GPIHBP1: variants seen among roughly 807,000 people sequenced by gnomAD.
GPIHBP1 encodes glycosylphosphatidylinositol-anchored high density lipoprotein-binding protein 1.
GPIHBP1 carries 11 observed loss-of-function variants against 13.0 expected under a neutral mutation model. The ratio of observed to expected loss-of-function variants is 0.84; its 90% confidence interval spans 0.53 to 1.40. GPIHBP1 has a LOEUF of 1.40. GPIHBP1 is among the 40% of genes most tolerant of loss of function. GPIHBP1 has a pLI of 0.00. For synonymous variants in GPIHBP1, 106 were observed against 102.2 expected (o/e 1.04, Z -0.22); for missense variants, 231 against 241.1 (o/e 0.96, Z 0.28).
rs10746561 is a variant in GPIHBP1 at position 143,214,626 on chromosome 8, C to T, written c.182-387C>T. Among the ~76,000 whole-genome samples, 15,280 of 152,074 alleles carry T rather than the reference C, an allele frequency of 0.1. 978 individuals carry two copies. Among genetic ancestry groups the T allele is most frequent in the Middle Eastern group, 0.19 (57 of 294 alleles). ...AGGAGCCCCAAGCCTGCCCTCAGCA[C>T]GAGCCCTGCCCCACACACCCACGAG... On this transcript the variant is annotated intron_variant, in intron 2 of 3. Coordinates refer to ENST00000622500, the MANE Select transcript of GPIHBP1 (RefSeq NM_178172.6). The surrounding 1 kb of genome is among the most constrained non-coding windows in gnomAD (Gnocchi z 4.1).
At position 143,214,088 on chromosome 8, in the gene GPIHBP1, C is replaced by A; in HGVS notation, c.181+138C>A. ...CAGAGTGGGGGACACTCAGTACACC[C>A]CTCACTGCTGCTCACCATGACACTC... On this transcript the variant is annotated intron_variant, in intron 2 of 3. Transcript: ENST00000622500. The surrounding 1 kb of genome is among the most constrained non-coding windows in gnomAD (Gnocchi z 4.1). 1 of 1,130,074 alleles carries A rather than the reference C, an allele frequency of 8.8e-7. No homozygotes were observed. Among genetic ancestry groups the A allele is most frequent in the Non-Finnish European group, 1.3e-6 (1 of 776,292 alleles). 70.0% of individuals were successfully genotyped at this position (1,130,074 alleles called of 1,614,324 possible). A position where few individuals can be genotyped will look rare whatever the true frequency, so the allele number is the denominator to read the frequency against.
rs973158777 is a variant in GPIHBP1, at chr8:143,214,430, G to A, written c.181+480G>A. Among the ~76,000 whole-genome samples the A allele has an allele frequency of 7.9e-5, 12 of 152,008 alleles. No homozygotes were observed. Among genetic ancestry groups the A allele is most frequent in the African/African-American group, 2.7e-4 (11 of 41,370 alleles). ...CTGCCCACCTGACACACCCCTACAC[G>A]TGGGCCACCCTCTGCTCTCTCCCAT... On this transcript the variant is annotated intron_variant, in intron 2 of 3. Transcript: ENST00000622500. This position sits in a 1 kb window ranked among gnomAD's most constrained non-coding sequence, Gnocchi z 4.1.
Position 143,214,340 on chromosome 8 carries a change from CG to C in GPIHBP1, c.181+393del, listed in dbSNP as rs1816267221. Among the ~76,000 whole-genome samples, 1 of 152,002 alleles carries C rather than the reference CG, an allele frequency of 6.6e-6. No individual in the cohort carries two copies. Among genetic ancestry groups the C allele is most frequent in the Admixed American group, 6.6e-5 (1 of 15,260 alleles). ...CAGGGGAGGGCTGGATTGGCTGCTG[CG>C]GGCTGGGGAGCCAGGGAACCGCTTA... On this transcript the variant is annotated intron_variant, in intron 2 of 3. Transcript: ENST00000622500. The surrounding 1 kb of genome is among the most constrained non-coding windows in gnomAD (Gnocchi z 4.1).
rs371690913 is a variant in GPIHBP1 at position 143,215,051 on chromosome 8, G to A, written c.220G>A (p.Asp74Asn). 24 of 1,603,322 alleles carry A rather than the reference G, an allele frequency of 1.5e-5. No individual in the cohort carries two copies. The African/African-American group carries it at 3.1e-4, about 21-fold the overall frequency. ...CTACACCTGCAAGTCCCTGCCCAGG[G>A]ACGAGCGCTGCAACCTGACGCAGAA... Reference protein sequence around the residue: ...RCYTCKSLPRDERCNLTQNCS... With the variant: ...RCYTCKSLPRNERCNLTQNCS... Residue 74 changes from aspartate to asparagine, a missense_variant, in exon 3 of 4, where the codon GAC (aspartate) becomes AAC (asparagine). Transcript: ENST00000622500.
At position 143,216,411 on chromosome 8, in the gene GPIHBP1, G is replaced by A. The variant is rs1187516963; in HGVS notation, c.*893G>A. On this transcript the variant is annotated 3_prime_UTR_variant, in exon 4 of 4. Coordinates refer to ENST00000622500, the MANE Select transcript of GPIHBP1 (RefSeq NM_178172.6). ...TGAAAGGAGAGGAGTAGATGAGATGGAATTTTTCCAGCCTCATCCTGGCCT... is the reference window on the plus strand; with the variant it reads ...TGAAAGGAGAGGAGTAGATGAGATGAAATTTTTCCAGCCTCATCCTGGCCT... 6.6e-6 allele frequency: 1 copy of A among 152,228 alleles called. No individual in the cohort carries two copies. Among genetic ancestry groups the A allele is most frequent in the Non-Finnish European group, 1.5e-5 (1 of 68,094 alleles). 9.4% of individuals were successfully genotyped at this position (152,228 alleles called of 1,614,324 possible).
Position 143,214,762 on chromosome 8 carries a change from C to G in GPIHBP1, c.182-251C>G, listed in dbSNP as rs11136269. Among the ~76,000 whole-genome samples the G allele has an allele frequency of 0.46, 70,245 of 152,020 alleles. 16,415 individuals are homozygous for G. Among genetic ancestry groups the G allele is most frequent in the African/African-American group, 0.54 (22,363 of 41,450 alleles). On this transcript the variant is annotated intron_variant, in intron 2 of 3. Coordinates refer to ENST00000622500, the MANE Select transcript of GPIHBP1 (RefSeq NM_178172.6). The surrounding 1 kb of genome is among the most constrained non-coding windows in gnomAD (Gnocchi z 4.1). ...ACGGCAGGAGCCTGGGCAGCATTGT[C>G]GCAGGACGTGAGTGATGATGGGAAG...
chr8:143,215,945 C>G lies in GPIHBP1; in HGVS notation c.*427C>G, dbSNP rs971362975. ...GGGCCCACCCTGCCCTTCCCCAGGTCGGCCTCTCCGCTGTCTGGAGGGAAG... is the reference window on the plus strand; with the variant it reads ...GGGCCCACCCTGCCCTTCCCCAGGTGGGCCTCTCCGCTGTCTGGAGGGAAG... On this transcript the variant is annotated 3_prime_UTR_variant, in exon 4 of 4. Coordinates refer to ENST00000622500, the MANE Select transcript of GPIHBP1 (RefSeq NM_178172.6). 1 of 198,852 alleles carries G rather than the reference C, an allele frequency of 5.0e-6. No individual in the cohort carries two copies. The highest frequency in any genetic ancestry group is 1.2e-4 in the East Asian group (1 of 8,038). 12.3% of individuals were successfully genotyped at this position (198,852 alleles called of 1,614,324 possible).
rs1188740859 is a variant in GPIHBP1, at chr8:143,215,651, AGGCCCCCCGGCCC to A, written c.*136_*148del. The A allele has an allele frequency of 1.3e-6, 1 of 774,574 alleles. No individual in the cohort carries two copies. The highest frequency in any genetic ancestry group is 2.7e-5 in the East Asian group (1 of 37,044). 48.0% of individuals were successfully genotyped at this position (774,574 alleles called of 1,614,324 possible). A position where few individuals can be genotyped will look rare whatever the true frequency, so the allele number is the denominator to read the frequency against. ...GTGTCTTGGGCGATCCAGCCAGCGC[AGGCCCCCCGGCCC>A]GGTTGCTTCCTCAGTTCCCGGCTGT... On this transcript the variant is annotated 3_prime_UTR_variant, in exon 4 of 4. Transcript: ENST00000622500.
intron 1 of GPIHBP1, 66 bp from the exon 2 acceptor site, chr8:143,213,756 C>T (rs1165565950): frequency 1.3e-6 from 2 of 1,565,530 alleles, no homozygotes; most frequent in Non-Finnish European, 1.7e-6. Flanking sequence ...GGGCACGATG[C>T]TTGCCCAGAG....
rs563623646 is a variant in GPIHBP1, at chr8:143,215,514, C to T, written c.551C>T (p.Pro184Leu). 11 of 1,592,202 alleles carry T rather than the reference C, an allele frequency of 6.9e-6. No individual in the cohort carries two copies. In the Admixed American group the frequency reaches 1.0e-4, roughly 15 times the overall value. The change falls in exon 4 of 4, where the codon CCC (proline) becomes CTC (leucine). Residue 184 changes from proline to leucine, a missense_variant. Pro to Leu is a moderately conservative substitution (Grantham distance 98). Coordinates refer to ENST00000622500, the MANE Select transcript of GPIHBP1 (RefSeq NM_178172.6). ...AGLGAMGARRP is the reference protein window; with the variant it reads ...AGLGAMGARRL ...CTTGGAGCAATGGGGGCCAGGAGAC[C>T]CTGACCCACGGCCCCTCCCCACCCC... is the stretch of plus-strand genomic sequence containing the variant.
Position 143,214,885 on chromosome 8 carries a change from TGAG to T in GPIHBP1, c.182-127_182-125del. 1.5e-6 allele frequency: 1 copy of T among 673,634 alleles called. No homozygotes were observed. The highest frequency in any genetic ancestry group is 2.3e-5 in the Admixed American group (1 of 43,788). 41.7% of individuals were successfully genotyped at this position (673,634 alleles called of 1,614,324 possible). ...CCAAGTCAGGGGTCGCCCGCCCATC[TGAG>T]CAGTGGGTGCTGGAGGCTCACCAGG... On this transcript the variant is annotated intron_variant, in intron 2 of 3. Coordinates refer to ENST00000622500, the MANE Select transcript of GPIHBP1 (RefSeq NM_178172.6). The surrounding 1 kb of genome is among the most constrained non-coding windows in gnomAD (Gnocchi z 4.1).
rs1563711607 is a variant in GPIHBP1 at position 143,213,261 on chromosome 8, CGGCGAGATGAA to C, written c.-2_9del. On this transcript the variant is annotated start_lost and 5_prime_UTR_variant, in exon 1 of 4. Transcript: ENST00000622500. ...TCAGAGTCAGGGACACAGCAGCGTC[CGGCGAGATGAA>C]GGCGCTCGGGGCTGTCCTGCTTGCC... 2 of 1,592,644 alleles carry C rather than the reference CGGCGAGATGAA, an allele frequency of 1.3e-6. No individual in the cohort carries two copies. The highest frequency in any genetic ancestry group is 1.7e-6 in the Non-Finnish European group (2 of 1,173,740).
In GPIHBP1 at chr8:143,215,029, C is replaced by T; in HGVS notation, c.198C>T (p.Tyr66=). 3 of 1,583,526 alleles carry T rather than the reference C, an allele frequency of 1.9e-6. No individual in the cohort carries two copies. Among genetic ancestry groups the T allele is most frequent in the East Asian group, 2.4e-5 (1 of 42,318 alleles). ...TGTCCCCAGTGCTGCTGCGGTGCTA[C>T]ACCTGCAAGTCCCTGCCCAGGGACG... The part of the protein sequence containing the change: ...GGRSRVLLRC[Y]TCKSLPRDER... Residue 66 remains tyrosine, a synonymous_variant, in exon 3 of 4, where the codon TAC becomes TAT. Transcript: ENST00000622500.
Position 143,214,098 on chromosome 8 carries a change from G to A in GPIHBP1, c.181+148G>A, listed in dbSNP as rs1457177662. ...GACACTCAGTACACCCCTCACTGCTGCTCACCATGACACTCAGTTGCCTTC... is the reference window on the plus strand; with the variant it reads ...GACACTCAGTACACCCCTCACTGCTACTCACCATGACACTCAGTTGCCTTC... On this transcript the variant is annotated intron_variant, in intron 2 of 3. Coordinates refer to ENST00000622500, the MANE Select transcript of GPIHBP1 (RefSeq NM_178172.6). The surrounding 1 kb of genome is among the most constrained non-coding windows in gnomAD (Gnocchi z 4.1). 2.8e-6 allele frequency: 3 copies of A among 1,079,396 alleles called. No individual in the cohort carries two copies. The highest frequency in any genetic ancestry group is 3.1e-5 in the African/African-American group (2 of 64,098). The allele number at this position is 1,079,396 out of a possible 1,614,324, so 66.9% of individuals were successfully genotyped here. A position where few individuals can be genotyped will look rare whatever the true frequency, so the allele number is the denominator to read the frequency against.
Position 143,215,514 on chromosome 8 carries a change from C to A in GPIHBP1, c.551C>A (p.Pro184His), listed in dbSNP as rs563623646. Residue 184 changes from proline to histidine, a missense_variant, in exon 4 of 4, where the codon CCC becomes CAC. Transcript: ENST00000622500. ...CTTGGAGCAATGGGGGCCAGGAGACCCTGACCCACGGCCCCTCCCCACCCC... is the reference window on the plus strand; with the variant it reads ...CTTGGAGCAATGGGGGCCAGGAGACACTGACCCACGGCCCCTCCCCACCCC... ...AGLGAMGARR[P>H] The A allele has an allele frequency of 2.1e-5, 34 of 1,592,084 alleles. No individual in the cohort carries two copies. In the Admixed American group the frequency reaches 5.7e-4, roughly 27 times the overall value.
chr8:143,213,608 GGGT>G (rs1221582884), intron 1 of GPIHBP1, among the ~76,000 whole-genome samples: 2 of 66,258 alleles, frequency 3.0e-5, no homozygotes, highest in Non-Finnish European at 8.5e-5. Flanking sequence ...ACAGTGAGTA[GGGT>G]GAGTAGGGTA....
In GPIHBP1 at chr8:143,215,342, A is replaced by G. The variant is rs369222108; in HGVS notation, c.379A>G (p.Thr127Ala). The part of the protein sequence containing the change: ...ITKTVEGTQV[T>A]MTCCQSSLCN... ...CAAGACGGTGGAGGGGACCCAGGTG[A>G]CCATGACCTGCTGCCAGTCCAGCCT... The change falls in exon 4 of 4, where the codon ACC (threonine) becomes GCC (alanine). Residue 127 changes from threonine (T) to alanine (A), a missense_variant. Physicochemically the swap from Thr to Ala is moderately conservative, Grantham distance 58. Coordinates refer to ENST00000622500, the MANE Select transcript of GPIHBP1 (RefSeq NM_178172.6). 12 of 1,612,710 alleles carry G rather than the reference A, an allele frequency of 7.4e-6. No individual in the cohort carries two copies. The African/African-American group carries it at 1.2e-4, about 16-fold the overall frequency.
rs1816264269 is a variant in GPIHBP1 at position 143,214,123 on chromosome 8, C to G, written c.181+173C>G. 6.6e-6 allele frequency among the ~76,000 whole-genome samples: 1 copy of G among 152,058 alleles called. No homozygotes were observed. Among genetic ancestry groups the G allele is most frequent in the Admixed American group, 6.5e-5 (1 of 15,278 alleles). ...GCTCACCATGACACTCAGTTGCCTT[C>G]CAGAGTAGGGAACAGGGGAAGAAGC... On this transcript the variant is annotated intron_variant, in intron 2 of 3. Coordinates refer to ENST00000622500, the MANE Select transcript of GPIHBP1 (RefSeq NM_178172.6). This position sits in a 1 kb window ranked among gnomAD's most constrained non-coding sequence, Gnocchi z 4.1.
In GPIHBP1 at chr8:143,214,680, G is replaced by C. The variant is rs10866908; in HGVS notation, c.182-333G>C. Among the ~76,000 whole-genome samples, 15,754 of 152,182 alleles carry C rather than the reference G, an allele frequency of 0.1. 936 individuals carry two copies. The highest frequency in any genetic ancestry group is 0.13 in the South Asian group (608 of 4,822). On this transcript the variant is annotated intron_variant, in intron 2 of 3. Transcript: ENST00000622500. The surrounding 1 kb of genome is among the most constrained non-coding windows in gnomAD (Gnocchi z 4.1). ...TCCCCTGTGAGGCCCTCCTCTGCCA[G>C]GCCTGGTGCTCCTGGAGGCAGGACT...
Sources: allele counts gnomAD v4.1 joint callset (sites outside exome capture counted in the v4.1 genomes callset), GRCh38; gene constraint gnomAD v4.1.1; non-coding constraint Gnocchi (gnomAD v3.1); transcripts MANE v1.5; gene names NCBI Gene and HGNC (gene_info 2026-07-23, HGNC 2026-07-21).